The following PROS1 variants were observed in gnomAD, a reference collection of about 807,000 sequenced individuals.
PROS1 encodes protein S.
PROS1 carries 29 observed loss-of-function variants against 75.9 expected under a neutral mutation model. The observed-to-expected ratio is 0.38, with a 90% CI of 0.28 to 0.52. PROS1 has a LOEUF of 0.52. Among genes scored for constraint, PROS1 ranks in the 20% least tolerant of loss-of-function variants. The pLI is 0.83. For missense variants in PROS1, 680 were observed against 810.3 expected, an observed-to-expected ratio of 0.84 and a Z score of 1.95; for synonymous variants, 245 against 280.6, an observed-to-expected ratio of 0.87 and a Z score of 1.27.
At chr3:93,932,928 C>T (rs1709127192) in intron 1 of PROS1, among the ~76,000 whole-genome samples, 1 of 152,172 alleles carries the variant, frequency 6.6e-6, no homozygotes, top group African/African-American at 2.4e-5. Context: ...ATAGCTTATC[C>T]TCTGAAGCTC....
chr3:93,878,333 T>A (rs1298184932), intron 13 of PROS1, among the ~76,000 whole-genome samples: 1 of 152,230 alleles, frequency 6.6e-6, no homozygotes, highest in Non-Finnish European at 1.5e-5. Context: ...AGGTTACTTA[T>A]GGTTAACCAC....
intron 1 of PROS1, among the ~76,000 whole-genome samples, chr3:93,964,315 T>A (rs1033451406): frequency 2.0e-5 from 3 of 152,168 alleles, no homozygotes; most frequent in African/African-American, 7.2e-5. Flanking sequence ...GATGAGCAAG[T>A]AGGAGAACAT....
At chr3:93,925,207 A>G (rs1285407884) in intron 2 of PROS1, among the ~76,000 whole-genome samples, 2 of 152,226 alleles carry the variant, frequency 1.3e-5, no homozygotes, top group East Asian at 3.9e-4. Context: ...GTGTACCATT[A>G]ACAGCACAAG....
intron 1 of PROS1, among the ~76,000 whole-genome samples, chr3:93,949,658 A>C (rs1380371117): frequency 6.6e-6 from 1 of 152,204 alleles, no homozygotes; most frequent in Non-Finnish European, 1.5e-5. Context: ...GGCATTTCAT[A>C]AAAGAGGGAA....
chr3:93,925,651 C>A (rs1354460742), intron 2 of PROS1, among the ~76,000 whole-genome samples: 1 of 151,758 alleles, frequency 6.6e-6, no homozygotes, highest in African/African-American at 2.4e-5. Flanking sequence ...TGGCAAAACG[C>A]CCTCTCGACA....
Position 93,874,552 on chromosome 3 carries a change from A to G in PROS1, c.1871-147T>C. The G allele has an allele frequency of 3.7e-6, 4 of 1,094,844 alleles. No homozygotes were observed. The South Asian group carries it at 4.8e-5, about 13-fold the overall frequency. The allele number at this position is 1,094,844 out of a possible 1,614,324, so 67.8% of individuals were successfully genotyped here. ...TAGTGAAATTCTATTCCATAAATAC[A>G]TGTTAAGTGACGCCGATATACATGT... On this transcript the variant is annotated intron_variant, in intron 14 of 14. Coordinates refer to ENST00000394236, the MANE Select transcript of PROS1 (RefSeq NM_000313.4).
chr3:93,932,868 C>G (rs751029594), intron 1 of PROS1, among the ~76,000 whole-genome samples: 21 of 152,290 alleles, frequency 1.4e-4, no homozygotes, highest in Non-Finnish European at 2.8e-4. Context: ...CAAAACTGAT[C>G]AGTCAGGTTA....
At chr3:93,924,007 A>G (rs754990257) in intron 3 of PROS1, among the ~76,000 whole-genome samples, 1 of 152,218 alleles carries the variant, frequency 6.6e-6, no homozygotes, top group Non-Finnish European at 1.5e-5. Flanking sequence ...TGAGAAAGAC[A>G]TGAGAAAGAA....
intron 1 of PROS1, among the ~76,000 whole-genome samples, chr3:93,940,078 A>G (rs1485513114): frequency 6.6e-6 from 1 of 152,236 alleles, no homozygotes; most frequent in Non-Finnish European, 1.5e-5. Context: ...TCTTGCTTCA[A>G]GTGCCGGAAA....
chr3:93,888,194 T>A (rs1232157057), intron 10 of PROS1, among the ~76,000 whole-genome samples: 1 of 152,204 alleles, frequency 6.6e-6, no homozygotes, highest in Non-Finnish European at 1.5e-5. Context: ...TTTGTTCATA[T>A]CTTTACCAGG....
chr3:93,925,250 A>G (rs929471384), intron 2 of PROS1, among the ~76,000 whole-genome samples: 2 of 152,222 alleles, frequency 1.3e-5, no homozygotes, highest in African/African-American at 4.8e-5. Context: ...TTTCTACACA[A>G]AGACATATTC....
chr3:93,927,913 G>A (rs1415935770), intron 1 of PROS1, among the ~76,000 whole-genome samples: 8 of 128,326 alleles, frequency 6.2e-5, no homozygotes, highest in Admixed American at 4.2e-4. Flanking sequence ...GTGTGTGTGT[G>A]TATATATATA....
At chr3:93,923,107 T>C (rs1708966791) in intron 3 of PROS1, among the ~76,000 whole-genome samples, 1 of 152,222 alleles carries the variant, frequency 6.6e-6, no homozygotes, top group African/African-American at 2.4e-5. Context: ...TCTTGTGTTT[T>C]TGTTTTAGTT....
intron 1 of PROS1, chr3:93,958,728 G>T (rs916833879): frequency 2.0e-5 from 3 of 152,302 alleles, no homozygotes; most frequent in African/African-American, 7.2e-5. Context: ...TTTATCAGGG[G>T]TTTCTGCTTT....
At chr3:93,886,566 G>A in intron 10 of PROS1, 63 bp from the exon 11 acceptor site, 2 of 1,261,898 alleles carry the variant, frequency 1.6e-6, no homozygotes. Context: ...TGAAATACTG[G>A]GATCTAAAAC....
intron 14 of PROS1, among the ~76,000 whole-genome samples, chr3:93,874,823 C>T (rs1220282182): frequency 6.6e-6 from 1 of 152,084 alleles, no homozygotes; most frequent in Non-Finnish European, 1.5e-5. Flanking sequence ...ATGTCATGAT[C>T]AATATATCTC....
At chr3:93,965,346 C>T (rs780217923) in intron 1 of PROS1, among the ~76,000 whole-genome samples, 19 of 152,216 alleles carry the variant, frequency 1.2e-4, no homozygotes, top group Non-Finnish European at 1.9e-4. Flanking sequence ...AGGGTGTCCG[C>T]TGTGCTCCTG....
intron 1 of PROS1, among the ~76,000 whole-genome samples, chr3:93,958,172 G>A (rs570759487): frequency 6.7e-4 from 102 of 152,162 alleles, no homozygotes; most frequent in African/African-American, 2.2e-3. Context: ...TTACTTATAT[G>A]TTTTTGTAAG....
intron 3 of PROS1, among the ~76,000 whole-genome samples, chr3:93,917,254 G>A (rs948501572): frequency 6.6e-6 from 1 of 152,190 alleles, no homozygotes; most frequent in African/African-American, 2.4e-5. Flanking sequence ...CATTCTAATG[G>A]GTTATGTGGT....
Sources: allele counts gnomAD v4.1 joint callset (sites outside exome capture counted in the v4.1 genomes callset), GRCh38; gene constraint gnomAD v4.1.1; transcripts MANE v1.5; gene names NCBI Gene and HGNC (gene_info 2026-07-23, HGNC 2026-07-21).